Variants in PRDM16 observed in about 807,000 individuals in gnomAD.
PRDM16 encodes PR/SET domain 16, also known as histone-lysine N-methyltransferase PRDM16.
Under a neutral mutation model 110.6 loss-of-function variants are expected in PRDM16, and 23 were observed. The ratio of observed to expected loss-of-function variants is 0.21; its 90% confidence interval spans 0.15 to 0.29. The LOEUF is 0.29. Ranked by LOEUF, PRDM16 falls within the 10% of genes least tolerant of loss-of-function variation. The probability of loss-of-function intolerance (pLI) is 1.00; values close to 1 mark genes in which losing one functional copy is unlikely to be tolerated. For synonymous variants in PRDM16, 799 were observed against 781.8 expected (o/e 1.02, Z -0.37); for missense variants, 1,615 against 1,794.3 (o/e 0.90, Z 1.81).
intron 10 of PRDM16, 37 bp from the exon 11 acceptor site, chr1:3,417,791 C>T: frequency 6.3e-7 from 1 of 1,596,702 alleles, no homozygotes; most frequent in South Asian, 1.1e-5. Flanking sequence ...AGGTGAGAGT[C>T]AGCTGAGTCC....
intron 2 of PRDM16, among the ~76,000 whole-genome samples, chr1:3,194,412 T>C (rs1354199220): frequency 6.6e-6 from 1 of 152,148 alleles, no homozygotes. Flanking sequence ...GCTGAGCTCT[T>C]AGATCACCCT....
At chr1:3,321,193 A>G (rs531790149) in intron 3 of PRDM16, among the ~76,000 whole-genome samples, 2 of 152,144 alleles carry the variant, frequency 1.3e-5, no homozygotes, top group Non-Finnish European at 2.9e-5. Flanking sequence ...CCTCAGAGAT[A>G]ACTTAACCCC....
intron 4 of PRDM16, among the ~76,000 whole-genome samples, chr1:3,394,848 ATT>A (rs35210583): frequency 1.3e-5 from 2 of 151,116 alleles, no homozygotes; most frequent in East Asian, 1.9e-4. Flanking sequence ...CCACTGTGTG[ATT>A]TTTTTTTTTG....
chr1:3,256,997 C>T (rs1640064850), intron 3 of PRDM16, among the ~76,000 whole-genome samples: 1 of 152,168 alleles, frequency 6.6e-6, no homozygotes, highest in Non-Finnish European at 1.5e-5. Context: ...TGATAATATG[C>T]CTTATTGCTG....
chr1:3,106,940 G>C (rs924111746), intron 1 of PRDM16, among the ~76,000 whole-genome samples: 29 of 152,234 alleles, frequency 1.9e-4, no homozygotes, highest in Admixed American at 3.3e-4. Flanking sequence ...CTGCCACCCA[G>C]ACGACCAGAA....
intron 6 of PRDM16, 22 bp from the exon 7 acceptor site, chr1:3,404,717 G>A (rs374812444): frequency 2.8e-5 from 45 of 1,611,816 alleles, no homozygotes; most frequent in Admixed American, 1.2e-4. Flanking sequence ...GGGCCCCGCA[G>A]TGAGCCTCGT....
intron 1 of PRDM16, among the ~76,000 whole-genome samples, chr1:3,136,969 G>A (rs1380442380): frequency 6.6e-6 from 1 of 152,228 alleles, no homozygotes; most frequent in African/African-American, 2.4e-5. Flanking sequence ...AGAGAGGCTG[G>A]TGCAGGGAGA....
chr1:3,279,134 C>T (rs1309845462), intron 3 of PRDM16, among the ~76,000 whole-genome samples: 3 of 152,100 alleles, frequency 2.0e-5, no homozygotes, highest in Non-Finnish European at 2.9e-5. Context: ...GCTGTGGCCC[C>T]GAGTCCGGGG....
chr1:3,306,356 A>G (rs1641313042), intron 3 of PRDM16, among the ~76,000 whole-genome samples: 1 of 152,226 alleles, frequency 6.6e-6, no homozygotes, highest in African/African-American at 2.4e-5. Context: ...CAGGGTGCAC[A>G]TGTTAGAAAT....
intron 3 of PRDM16, among the ~76,000 whole-genome samples, chr1:3,312,930 G>A (rs1185476329): frequency 6.6e-6 from 1 of 152,232 alleles, no homozygotes; most frequent in Admixed American, 6.5e-5. Flanking sequence ...ACACACGGGT[G>A]CCTTGGGCGT....
intron 3 of PRDM16, among the ~76,000 whole-genome samples, chr1:3,322,867 G>A (rs1020077549): frequency 6.6e-6 from 1 of 152,220 alleles, no homozygotes; most frequent in Non-Finnish European, 1.5e-5. Flanking sequence ...TTCAGCAGGG[G>A]TTCATGGCCT....
intron 4 of PRDM16, among the ~76,000 whole-genome samples, chr1:3,393,497 T>C (rs960450343): frequency 2.0e-5 from 3 of 152,138 alleles, no homozygotes; most frequent in Non-Finnish European, 4.4e-5. Flanking sequence ...AGTCATAATT[T>C]ATGACAAGCC....
intron 3 of PRDM16, among the ~76,000 whole-genome samples, chr1:3,303,575 A>T (rs1033489811): frequency 5.3e-5 from 8 of 152,214 alleles, no homozygotes; most frequent in Admixed American, 2.6e-4. Context: ...TCTTGGCCGT[A>T]TTCTTAGGAA....
chr1:3,260,057 A>C, intron 3 of PRDM16, among the ~76,000 whole-genome samples: 1 of 152,068 alleles, frequency 6.6e-6, no homozygotes, highest in East Asian at 1.9e-4. Context: ...GAAGACTTGC[A>C]TCTCCCCTGC....
intron 3 of PRDM16, among the ~76,000 whole-genome samples, chr1:3,251,078 A>G (rs1639918667): frequency 6.6e-6 from 1 of 152,180 alleles, no homozygotes; most frequent in South Asian, 2.1e-4. Flanking sequence ...CAAATTTTAG[A>G]AGGACACACT....
intron 1 of PRDM16, chr1:3,128,093 T>C (rs1643249525): frequency 6.5e-6 from 1 of 154,762 alleles, no homozygotes; most frequent in Non-Finnish European, 1.5e-5. Flanking sequence ...AGCCCCGCTG[T>C]GGAGGGATCA....
At chr1:3,282,384 C>T (rs1237115952) in intron 3 of PRDM16, among the ~76,000 whole-genome samples, 1 of 152,200 alleles carries the variant, frequency 6.6e-6, no homozygotes, top group African/African-American at 2.4e-5. Flanking sequence ...GACCCAGAGA[C>T]CTTGTCCCCC....
At chr1:3,167,136 C>T (rs1020206240) in intron 1 of PRDM16, among the ~76,000 whole-genome samples, 1 of 152,136 alleles carries the variant, frequency 6.6e-6, no homozygotes, top group African/African-American at 2.4e-5. Flanking sequence ...CTACTACTAC[C>T]ACCGGGGAGC....
chr1:3,423,402 C>T (rs566653464), intron 12 of PRDM16, among the ~76,000 whole-genome samples: 1 of 152,172 alleles, frequency 6.6e-6, no homozygotes, highest in African/African-American at 2.4e-5. Context: ...GAGGCCCCTG[C>T]GGGTGTGTTG....
Sources: gnomAD v4.1 joint callset for allele counts (sites outside exome capture counted in the v4.1 genomes callset) on GRCh38, gnomAD v4.1.1 for gene constraint, MANE v1.5 for transcripts, NCBI Gene and HGNC (gene_info 2026-07-23, HGNC 2026-07-21) for gene names.